Variants in MIA2 observed in about 807,000 individuals in gnomAD.
MIA2 encodes melanoma inhibitory activity protein 2.
Under a neutral mutation model 167.8 loss-of-function variants are expected in MIA2, and 127 were observed. That is an observed-to-expected ratio of 0.76 (90% CI 0.66 to 0.88). The LOEUF (loss-of-function observed/expected upper bound fraction) is 0.88. Among genes scored for constraint, MIA2 ranks in the 40% least tolerant of loss-of-function variants. The pLI is 0.00. For missense variants in MIA2, 1,690 were observed against 1,624.7 expected, an observed-to-expected ratio of 1.04 and a Z score of -0.69; for synonymous variants, 552 against 541.9, an observed-to-expected ratio of 1.02 and a Z score of -0.26.
intron 25 of MIA2, among the ~76,000 whole-genome samples, chr14:39,336,191 C>T (rs768420709): frequency 1.3e-5 from 2 of 152,212 alleles, no homozygotes; most frequent in Non-Finnish European, 2.9e-5. Context: ...CTGATTTCCA[C>T]AGTGGCCTAA....
chr14:39,315,052 G>A, intron 20 of MIA2: 1 of 286,882 alleles, frequency 3.5e-6, no homozygotes, highest in Non-Finnish European at 6.2e-6. Flanking sequence ...GGAAGCCGAA[G>A]TGGGTGGATC....
chr14:39,279,405 C>G (rs762742828), intron 8 of MIA2, 44 bp from the exon 9 acceptor site: 5 of 1,603,142 alleles, frequency 3.1e-6, no homozygotes, highest in Non-Finnish European at 4.2e-6. Flanking sequence ...GTTGTAAAAA[C>G]TTATAATAAT....
intron 23 of MIA2, among the ~76,000 whole-genome samples, chr14:39,378,748 A>G (rs916437554): frequency 6.6e-6 from 1 of 152,224 alleles, no homozygotes; most frequent in South Asian, 2.1e-4. Flanking sequence ...ATATTTGACA[A>G]TACTTCCTGT....
rs151194210 is a variant in MIA2, at chr14:39,238,843, C to A, written c.250-1718C>A. On this transcript the variant is annotated intron_variant, in intron 2 of 28. Coordinates refer to ENST00000640607, the MANE Select transcript of MIA2 (RefSeq NM_001329214.4). Reference sequence around the variant, plus strand: ...AAACAAAAAAACCTAGCTGATAGAGCTTTTTATTTGGCCCGAAGCTTTAGT... The same window carrying A: ...AAACAAAAAAACCTAGCTGATAGAGATTTTTATTTGGCCCGAAGCTTTAGT... Among the ~76,000 whole-genome samples, 1,101 of 115,038 alleles carry A rather than the reference C, an allele frequency of 9.6e-3. 4 individuals carry two copies. Among genetic ancestry groups the A allele is most frequent in the Middle Eastern group, 0.017 (3 of 180 alleles). The allele number at this position is 115,038 out of a possible 152,430, so 75.5% of individuals were successfully genotyped here.
rs748893450 is a variant in MIA2 at position 39,313,325 on chromosome 14, T to A, written c.3018-15T>A. 7 of 1,352,792 alleles carry A rather than the reference T, an allele frequency of 5.2e-6. No homozygotes were observed. The highest frequency in any genetic ancestry group is 7.3e-6 in the Non-Finnish European group (7 of 961,010). 83.8% of individuals were successfully genotyped at this position (1,352,792 alleles called of 1,614,324 possible). A position where few individuals can be genotyped will look rare whatever the true frequency, so the allele number is the denominator to read the frequency against. ...GACATGTATTAAGAGAATTATAACA[T>A]TTTTTGTTTTTAAGGAAATTAACAG... On this transcript the variant is annotated splice_polypyrimidine_tract_variant and intron_variant, in intron 18 of 28. Transcript: ENST00000640607.
rs780774308 is a variant in MIA2 at position 39,348,786 on chromosome 14, C to T, written c.3881C>T (p.Ala1294Val). The T allele has an allele frequency of 1.4e-5, 22 of 1,613,866 alleles. No homozygotes were observed. In the East Asian group the frequency reaches 4.7e-4, roughly 34 times the overall value. Residue 1294 changes from alanine to valine, a missense_variant, in exon 28 of 29, where the codon GCC (alanine) becomes GTC (valine). Coordinates refer to ENST00000640607, the MANE Select transcript of MIA2 (RefSeq NM_001329214.4). The stretch of plus-strand genomic sequence containing the variant: ...TCATCTCTCCCTGCTGAAAATGAAG[C>T]CACTGGCCCTGGCTTTGTTCCTCCA... ...PDSSLPAENE[A>V]TGPGFVPPPL...
chr14:39,279,567 T>C (rs766747239), intron 9 of MIA2, 30 bp downstream of exon 9: 1 of 1,441,886 alleles, frequency 6.9e-7, no homozygotes, highest in South Asian at 1.2e-5. Flanking sequence ...AATATTCATG[T>C]TAGAGTCAGA....
At chr14:39,375,289 T>A (rs113666330) in intron 23 of MIA2, among the ~76,000 whole-genome samples, 2 of 152,246 alleles carry the variant, frequency 1.3e-5, no homozygotes, top group Admixed American at 1.3e-4. Flanking sequence ...CTGAGAATGT[T>A]ATCATTAGTT....
chr14:39,308,203 T>G (rs897914253), intron 17 of MIA2, among the ~76,000 whole-genome samples: 1 of 152,144 alleles, frequency 6.6e-6, no homozygotes, highest in Non-Finnish European at 1.5e-5. Flanking sequence ...GATAGGATTA[T>G]TACACATCGA....
At chr14:39,360,594 A>T (rs1435051033) in intron 23 of MIA2, among the ~76,000 whole-genome samples, 2 of 150,930 alleles carry the variant, frequency 1.3e-5, no homozygotes, top group Admixed American at 6.6e-5. Flanking sequence ...CTCCCATTCA[A>T]CCACTTGTCT....
intron 25 of MIA2, among the ~76,000 whole-genome samples, chr14:39,342,669 T>C (rs1324025371): frequency 6.6e-6 from 1 of 152,200 alleles, no homozygotes; most frequent in Non-Finnish European, 1.5e-5. Context: ...CATATTAATA[T>C]TTGCTTCAGA....
At chr14:39,236,034 G>T (rs868770101) in intron 1 of MIA2, among the ~76,000 whole-genome samples, 1 of 152,152 alleles carries the variant, frequency 6.6e-6, no homozygotes, top group East Asian at 1.9e-4. Flanking sequence ...GCTGTGATTC[G>T]TTCATAGTTA....
At chr14:39,280,851 G>A (rs1385422208) in intron 9 of MIA2, among the ~76,000 whole-genome samples, 1 of 145,148 alleles carries the variant, frequency 6.9e-6, no homozygotes, top group Non-Finnish European at 1.5e-5. Flanking sequence ...TTTTCTATTT[G>A]TCCTTATTGG....
chr14:39,358,881 G>T (rs2139268345), intron 23 of MIA2, among the ~76,000 whole-genome samples: 1 of 152,302 alleles, frequency 6.6e-6, no homozygotes, highest in East Asian at 1.9e-4. Flanking sequence ...TTGGTGAACA[G>T]CCAATGTTGC....
intron 23 of MIA2, among the ~76,000 whole-genome samples, chr14:39,365,552 C>G (rs1382817097): frequency 6.6e-6 from 1 of 151,882 alleles, no homozygotes; most frequent in Admixed American, 6.6e-5. Flanking sequence ...GAAATTCTTT[C>G]CTCTGGTTGA....
chr14:39,336,739 T>A (rs936987148), intron 25 of MIA2, among the ~76,000 whole-genome samples: 2 of 152,184 alleles, frequency 1.3e-5, no homozygotes, highest in Non-Finnish European at 2.9e-5. Flanking sequence ...AGTGTGATTT[T>A]AAAAATTTAT....
intron 27 of MIA2, 29 bp from the exon 28 acceptor site, chr14:39,348,714 A>G (rs772165290): frequency 6.2e-7 from 1 of 1,610,320 alleles, no homozygotes; most frequent in African/African-American, 1.3e-5. Flanking sequence ...TTACTGTTTT[A>G]GTGACTGCCA....
chr14:39,272,516 C>A (rs1450073189), intron 6 of MIA2, among the ~76,000 whole-genome samples: 1 of 152,184 alleles, frequency 6.6e-6, no homozygotes, highest in African/African-American at 2.4e-5. Flanking sequence ...CTGTCTTTGG[C>A]TTGAAGTTGG....
At chr14:39,282,910 A>G (rs767749463) in intron 9 of MIA2, among the ~76,000 whole-genome samples, 1 of 152,118 alleles carries the variant, frequency 6.6e-6, no homozygotes, top group African/African-American at 2.4e-5. Context: ...CTCCTACCCA[A>G]CACTGCTAAC....
Sources: gnomAD v4.1 joint callset for allele counts (sites outside exome capture counted in the v4.1 genomes callset) on GRCh38, gnomAD v4.1.1 for gene constraint, MANE v1.5 for transcripts, NCBI Gene and HGNC (gene_info 2026-07-23, HGNC 2026-07-21) for gene names.